The following KHDRBS2 variants were observed in gnomAD, a reference collection of about 807,000 sequenced individuals.
KHDRBS2 encodes KH domain-containing, RNA-binding, signal transduction-associated protein 2.
In KHDRBS2, 26 loss-of-function variants were observed where a neutral mutation model predicts 44.3. That is an observed-to-expected ratio of 0.59 (90% CI 0.43 to 0.81). The LOEUF is 0.81. Ranked by LOEUF, KHDRBS2 falls within the 40% of genes least tolerant of loss-of-function variation. KHDRBS2 has a pLI of 0.00. For synonymous variants in KHDRBS2, 194 were observed against 151.1 expected, an observed-to-expected ratio of 1.28 and a Z score of -2.08; for missense variants, 476 against 433.1, an observed-to-expected ratio of 1.10 and a Z score of -0.88.
At chr6:61,945,109 A>ATATATATATGT (rs1256689275) in intron 4 of KHDRBS2, among the ~76,000 whole-genome samples, 4 of 36,584 alleles carry the variant, frequency 1.1e-4, no homozygotes, top group East Asian at 1.0e-3. Context: ...AAAAAAAAAA[A>ATATATATATGT]AAAGTATATA....
At chr6:62,215,457 G>A (rs1479964699) in intron 1 of KHDRBS2, among the ~76,000 whole-genome samples, 1 of 151,764 alleles carries the variant, frequency 6.6e-6, no homozygotes, top group African/African-American at 2.4e-5. Flanking sequence ...CAGATAGAAG[G>A]AACTGAGAAA....
chr6:62,024,885 G>C (rs1783010299), intron 3 of KHDRBS2, among the ~76,000 whole-genome samples: 1 of 151,528 alleles, frequency 6.6e-6, no homozygotes, highest in East Asian at 1.9e-4. Flanking sequence ...GTCCTCATGA[G>C]TAACAATAAT....
chr6:61,600,541 T>C, the KHDRBS2 span, among the ~76,000 whole-genome samples: 1 of 152,200 alleles, frequency 6.6e-6, no homozygotes, highest in African/African-American at 2.4e-5. Flanking sequence ...ACTGAGTCTC[T>C]TTTCGGACTC....
intron 1 of KHDRBS2, among the ~76,000 whole-genome samples, chr6:62,200,399 A>T (rs1826694641): frequency 6.6e-6 from 1 of 152,192 alleles, no homozygotes; most frequent in Non-Finnish European, 1.5e-5. Context: ...GAAAAAAACA[A>T]ACAACCCCAT....
chr6:61,910,292 C>T (rs1250661461), intron 4 of KHDRBS2, among the ~76,000 whole-genome samples: 1 of 152,084 alleles, frequency 6.6e-6, no homozygotes, highest in Non-Finnish European at 1.5e-5. Flanking sequence ...GGCTCAGAAC[C>T]AGAAAAAACG....
intron 1 of KHDRBS2, among the ~76,000 whole-genome samples, chr6:62,200,737 A>G (rs1826788316): frequency 6.6e-6 from 1 of 152,234 alleles, no homozygotes; most frequent in Non-Finnish European, 1.5e-5. Context: ...ATTACTGGGT[A>G]TATACCCAAA....
chr6:61,747,239 A>T (rs1777006209), intron 6 of KHDRBS2, among the ~76,000 whole-genome samples: 1 of 152,132 alleles, frequency 6.6e-6, no homozygotes, highest in Admixed American at 6.5e-5. Flanking sequence ...AAATTATCTA[A>T]TTCAACTGGT....
intron 1 of KHDRBS2, among the ~76,000 whole-genome samples, chr6:62,198,809 C>T (rs983417584): frequency 3.3e-5 from 5 of 152,048 alleles, no homozygotes. Flanking sequence ...GACCAATATC[C>T]CTGATGAACA....
chr6:61,681,009 C>T lies in KHDRBS2; in HGVS notation c.1004G>A (p.Arg335Lys). ...TTCCCTGTATCCCCCTCTGGCTGAC[C>T]TTTGCGGTGGTGCCTTCAAGCTAGA... ...TRSSLKAPPQ[R>K]SARGGYREHP... The change falls in exon 9 of 9, where the codon AGG (arginine) becomes AAG (lysine). Residue 335 changes from arginine (R) to lysine (K), a missense_variant. Coordinates refer to ENST00000281156, the MANE Select transcript of KHDRBS2 (RefSeq NM_152688.4). 2 of 1,611,904 alleles carry T rather than the reference C, an allele frequency of 1.2e-6. No individual in the cohort carries two copies. The highest frequency in any genetic ancestry group is 1.7e-6 in the Non-Finnish European group (2 of 1,178,716).
chr6:61,564,620 C>T, the KHDRBS2 span, among the ~76,000 whole-genome samples: 3 of 151,988 alleles, frequency 2.0e-5, no homozygotes, highest in Non-Finnish European at 4.4e-5. Flanking sequence ...AAAAACAGAA[C>T]TACAAGACAG....
chr6:61,882,082 CTT>C (rs1800285529), intron 6 of KHDRBS2, among the ~76,000 whole-genome samples: 1 of 152,002 alleles, frequency 6.6e-6, no homozygotes, highest in Non-Finnish European at 1.5e-5. Flanking sequence ...CAAAATATCT[CTT>C]GTTCTCTTTG....
At chr6:61,927,590 CTTAA>C (rs1809218204) in intron 4 of KHDRBS2, among the ~76,000 whole-genome samples, 1 of 151,978 alleles carries the variant, frequency 6.6e-6, no homozygotes, top group African/African-American at 2.4e-5. Context: ...ATACAATTTC[CTTAA>C]TTGTCTAAAG....
intron 6 of KHDRBS2, among the ~76,000 whole-genome samples, chr6:61,733,825 C>T (rs770093596): frequency 4.0e-5 from 6 of 151,694 alleles, no homozygotes; most frequent in African/African-American, 1.2e-4. Context: ...ATTTTAAACA[C>T]TAGCCATCCG....
chr6:62,177,236 T>G lies in KHDRBS2; in HGVS notation c.168A>C (p.Lys56Asn). 1 of 1,597,738 alleles carries G rather than the reference T, an allele frequency of 6.3e-7. No individual in the cohort carries two copies. Among genetic ancestry groups the G allele is most frequent in the South Asian group, 1.1e-5 (1 of 90,460 alleles). Residue 56 changes from lysine to asparagine, a missense_variant, in exon 2 of 9, where the codon AAA (lysine) becomes AAC (asparagine). Coordinates refer to ENST00000281156, the MANE Select transcript of KHDRBS2 (RefSeq NM_152688.4). Reference protein sequence around the residue: ...EKKYLDVISNKNIKLSERVLI... With the variant: ...EKKYLDVISNNNIKLSERVLI... ...GTACTCTTTCTGAGAGCTTTATGTTTTTGTTGCTGATGACATCAAGATACT... is the reference window on the plus strand; with the variant it reads ...GTACTCTTTCTGAGAGCTTTATGTTGTTGTTGCTGATGACATCAAGATACT...
chr6:61,907,343 C>A (rs1805223066), intron 4 of KHDRBS2, among the ~76,000 whole-genome samples: 1 of 151,888 alleles, frequency 6.6e-6, no homozygotes, highest in East Asian at 1.9e-4. Flanking sequence ...TATTTTCTTC[C>A]ATTCTGTGTA....
At chr6:61,755,114 G>A (rs752583814) in intron 6 of KHDRBS2, among the ~76,000 whole-genome samples, 2 of 152,064 alleles carry the variant, frequency 1.3e-5, no homozygotes, top group Admixed American at 6.6e-5. Flanking sequence ...GACATGTATC[G>A]GTTTATGTTA....
chr6:61,546,649 A>G, the KHDRBS2 span, among the ~76,000 whole-genome samples: 1 of 152,168 alleles, frequency 6.6e-6, no homozygotes, highest in Non-Finnish European at 1.5e-5. Context: ...ATAATTATTT[A>G]TCCCATGTTT....
At chr6:61,950,195 T>C (rs1041900265) in intron 4 of KHDRBS2, among the ~76,000 whole-genome samples, 1 of 152,088 alleles carries the variant, frequency 6.6e-6, no homozygotes, top group Non-Finnish European at 1.5e-5. Flanking sequence ...GCTATTTTGT[T>C]GCATCTTAAT....
At chr6:61,573,797 A>G in the KHDRBS2 span, among the ~76,000 whole-genome samples, 1 of 150,992 alleles carries the variant, frequency 6.6e-6, no homozygotes, top group Non-Finnish European at 1.5e-5. Flanking sequence ...CTCAGGAAAA[A>G]AAAAAAAAAG....
Sources: allele counts gnomAD v4.1 joint callset (sites outside exome capture counted in the v4.1 genomes callset), GRCh38; gene constraint gnomAD v4.1.1; transcripts MANE v1.5; gene names NCBI Gene and HGNC (gene_info 2026-07-23, HGNC 2026-07-21).